Variants in TMEM132D observed in about 807,000 individuals in gnomAD.
TMEM132D encodes transmembrane protein 132D, also known as mature OL transmembrane protein.
In TMEM132D, 21 loss-of-function variants were observed where a neutral mutation model predicts 62.3. That is an observed-to-expected ratio of 0.34 (90% CI 0.24 to 0.49). The LOEUF is 0.49. Among genes scored for constraint, TMEM132D ranks in the 20% least tolerant of loss-of-function variants. The pLI is 0.99. For synonymous variants in TMEM132D, 621 were observed against 575.6 expected (o/e 1.08, Z -1.13); for missense variants, 1,346 against 1,402.8 (o/e 0.96, Z 0.65).
chr12:129,455,189 T>C (rs11836399), intron 3 of TMEM132D, among the ~76,000 whole-genome samples: 29,456 of 152,166 alleles, frequency 0.19, 3,023 homozygotes, highest in African/African-American at 0.26. Flanking sequence ...TATAAAGCCA[T>C]GGGAATAAGA....
At chr12:129,185,761 A>ATCTG (rs11271238) in intron 5 of TMEM132D, among the ~76,000 whole-genome samples, 2,420 of 140,848 alleles carry the variant, frequency 0.017, 48 homozygotes, top group African/African-American at 0.047. Context: ...TTTATCCATC[A>ATCTG]TCTGTCTGTC....
At chr12:129,376,571 G>A (rs1870788005) in intron 3 of TMEM132D, among the ~76,000 whole-genome samples, 1 of 152,142 alleles carries the variant, frequency 6.6e-6, no homozygotes, top group South Asian at 2.1e-4. Context: ...AACCATATCA[G>A]GCTGAATTTG....
rs552994110 is a variant in TMEM132D, at chr12:129,227,690, C to A, written c.1300-18027G>T. On this transcript the variant is annotated intron_variant, in intron 4 of 8. Coordinates refer to ENST00000422113, the MANE Select transcript of TMEM132D (RefSeq NM_133448.3). ...GGTATACATGTGCCATGTTGGTGTGCTGCACCCATTAACTCATCATTTACA... is the reference window on the plus strand; with the variant it reads ...GGTATACATGTGCCATGTTGGTGTGATGCACCCATTAACTCATCATTTACA... Among the ~76,000 whole-genome samples the A allele has an allele frequency of 3.2e-4, 48 of 151,862 alleles. 1 individual carries two copies. The South Asian group carries it at 9.6e-3, about 30-fold the overall frequency.
chr12:129,727,769 T>C (rs913955625), intron 1 of TMEM132D, among the ~76,000 whole-genome samples: 1 of 152,020 alleles, frequency 6.6e-6, no homozygotes, highest in Admixed American at 6.6e-5. Flanking sequence ...GGTGGATTAA[T>C]AGGTATCACT....
At chr12:129,340,507 T>C (rs1298216305) in intron 3 of TMEM132D, among the ~76,000 whole-genome samples, 2 of 151,456 alleles carry the variant, frequency 1.3e-5, no homozygotes, top group Admixed American at 1.3e-4. Flanking sequence ...CCTTCCTGTG[T>C]CCATGTGTTC....
intron 3 of TMEM132D, among the ~76,000 whole-genome samples, chr12:129,408,909 CTGTTTT>C (rs71451312): frequency 0.18 from 27,542 of 151,672 alleles, 2,576 homozygotes; most frequent in Non-Finnish European, 0.21. Flanking sequence ...GAAGTTCTCT[CTGTTTT>C]TGTTTTTGTT....
chr12:129,798,032 CT>C (rs985882193), intron 1 of TMEM132D, among the ~76,000 whole-genome samples: 5 of 152,270 alleles, frequency 3.3e-5, no homozygotes, highest in African/African-American at 1.2e-4. Context: ...CTTGAGAGAT[CT>C]GGTTGTTTAA....
At chr12:129,343,587 T>A (rs1394587639) in intron 3 of TMEM132D, among the ~76,000 whole-genome samples, 1 of 151,276 alleles carries the variant, frequency 6.6e-6, no homozygotes, top group Non-Finnish European at 1.5e-5. Context: ...ATAATAAAAT[T>A]AAAAAAAAGA....
At chr12:129,887,607 T>C (rs950513461) in intron 1 of TMEM132D, among the ~76,000 whole-genome samples, 4 of 152,048 alleles carry the variant, frequency 2.6e-5, no homozygotes, top group African/African-American at 7.2e-5. Flanking sequence ...AATTATAAAA[T>C]AATAATAATA....
At chr12:129,765,295 G>T (rs549940050) in intron 1 of TMEM132D, among the ~76,000 whole-genome samples, 7 of 152,078 alleles carry the variant, frequency 4.6e-5, no homozygotes, top group African/African-American at 1.7e-4. Flanking sequence ...GGTCAGGTGC[G>T]GTGGCTCATG....
At chr12:129,689,919 T>C (rs911349193) in intron 2 of TMEM132D, among the ~76,000 whole-genome samples, 8 of 152,116 alleles carry the variant, frequency 5.3e-5, no homozygotes, top group African/African-American at 1.9e-4. Flanking sequence ...AGAACTGAGG[T>C]TGTAGGACAA....
intron 5 of TMEM132D, among the ~76,000 whole-genome samples, chr12:129,146,765 T>G (rs1193607181): frequency 6.6e-6 from 1 of 152,190 alleles, no homozygotes; most frequent in East Asian, 1.9e-4. Context: ...TTTCTGGGAC[T>G]AATAACAACA....
rs372179663 is a variant in TMEM132D at position 129,074,194 on chromosome 12, C to T, written c.2981G>A (p.Gly994Asp). 8 of 1,613,864 alleles carry T rather than the reference C, an allele frequency of 5.0e-6. No homozygotes were observed. The highest frequency in any genetic ancestry group is 2.7e-5 in the African/African-American group (2 of 74,870). ...QDEQITAIDR[G>D]MDFEESKYLL... ...ATATTTACTTTCCTCGAAATCCATG[C>T]CCCTGTCAATGGCAGTGATTTGCTC... Residue 994 changes from glycine (G) to aspartate (D), a missense_variant, in exon 9 of 9, where the codon GGC becomes GAC. Transcript: ENST00000422113.
chr12:129,569,328 A>G (rs760021175), intron 2 of TMEM132D, among the ~76,000 whole-genome samples: 1 of 152,102 alleles, frequency 6.6e-6, no homozygotes, highest in Non-Finnish European at 1.5e-5. Context: ...AAACTTGGAT[A>G]TCTGGGGAGA....
At chr12:129,599,857 T>C (rs569494400) in intron 2 of TMEM132D, among the ~76,000 whole-genome samples, 86 of 152,356 alleles carry the variant, frequency 5.6e-4, no homozygotes, top group African/African-American at 2.0e-3. Flanking sequence ...CTGATCATCA[T>C]GACCTGGACC....
intron 1 of TMEM132D, among the ~76,000 whole-genome samples, chr12:129,759,184 T>C (rs1870268741): frequency 6.6e-6 from 1 of 152,160 alleles, no homozygotes; most frequent in African/African-American, 2.4e-5. Flanking sequence ...TCCACCTACC[T>C]CAGCCTCCCA....
intron 2 of TMEM132D, among the ~76,000 whole-genome samples, chr12:129,605,632 C>CATATATAT (rs1878604845): frequency 2.6e-5 from 3 of 117,188 alleles, no homozygotes; most frequent in African/African-American, 6.3e-5. Flanking sequence ...TACACACACA[C>CATATATAT]ACACACACAC....
At position 129,470,804 on chromosome 12, in the gene TMEM132D, C is replaced by A. The variant is rs530228904; in HGVS notation, c.1115+60255G>T. ...AAATGACCCACAAGTTGTCACAGCA[C>A]CTTTTGTCCTTAGAAACACAGAGGA... is the stretch of plus-strand genomic sequence containing the variant. On this transcript the variant is annotated intron_variant, in intron 3 of 8. Transcript: ENST00000422113. Among the ~76,000 whole-genome samples, 219 of 152,256 alleles carry A rather than the reference C, an allele frequency of 1.4e-3. 3 individuals carry two copies. Among genetic ancestry groups the A allele is most frequent in the South Asian group, 3.7e-3 (18 of 4,830 alleles).
rs1159904281 is a variant in TMEM132D, at chr12:129,560,069, C to T, written c.969-28864G>A. Among the ~76,000 whole-genome samples, 4 of 152,286 alleles carry T rather than the reference C, an allele frequency of 2.6e-5. No individual in the cohort carries two copies. The East Asian group carries it at 7.7e-4, about 29-fold the overall frequency. On this transcript the variant is annotated intron_variant, in intron 2 of 8. Coordinates refer to ENST00000422113, the MANE Select transcript of TMEM132D (RefSeq NM_133448.3). ...TTAATTCAATGTGAAAAGTGTAACG[C>T]TGACAGCTCTATGGGCAACCACATA...
Sources: gnomAD v4.1 joint callset for allele counts (sites outside exome capture counted in the v4.1 genomes callset) on GRCh38, gnomAD v4.1.1 for gene constraint, MANE v1.5 for transcripts, NCBI Gene and HGNC (gene_info 2026-07-23, HGNC 2026-07-21) for gene names.